The following MARCHF1 variants were observed in gnomAD, a reference collection of about 807,000 sequenced individuals.
MARCHF1 encodes membrane associated ring-CH-type finger 1.
A neutral mutation model predicts 54.2 loss-of-function variants in MARCHF1; 40 were observed. The observed-to-expected ratio is 0.74, with a 90% CI of 0.57 to 0.96. MARCHF1 has a LOEUF of 0.96. MARCHF1 is among the 40% of genes least tolerant of loss of function. MARCHF1 has a pLI of 0.00. For synonymous variants in MARCHF1, 236 were observed against 236.3 expected (o/e 1.00, Z 0.01); for missense variants, 586 against 656.5 (o/e 0.89, Z 1.17).
intron 1 of MARCHF1, among the ~76,000 whole-genome samples, chr4:164,237,360 A>G (rs750714931): frequency 6.6e-6 from 1 of 152,062 alleles, no homozygotes; most frequent in Non-Finnish European, 1.5e-5. Flanking sequence ...ATTTTTGCCC[A>G]TTCTGTGTAT....
chr4:163,907,623 T>A (rs746845538), intron 3 of MARCHF1, among the ~76,000 whole-genome samples: 4 of 152,062 alleles, frequency 2.6e-5, no homozygotes, highest in Non-Finnish European at 5.9e-5. Flanking sequence ...TCAAATAAGA[T>A]AATAATCATG....
chr4:164,185,501 T>C (rs1042011240), intron 1 of MARCHF1, among the ~76,000 whole-genome samples: 6 of 152,162 alleles, frequency 3.9e-5, no homozygotes, highest in African/African-American at 1.4e-4. Context: ...TAAAGTAATA[T>C]ATACTGCCAG....
intron 4 of MARCHF1, among the ~76,000 whole-genome samples, chr4:163,821,407 C>T (rs949314468): frequency 1.3e-5 from 2 of 151,868 alleles, no homozygotes; most frequent in African/African-American, 4.8e-5. Flanking sequence ...TTATTGCCTG[C>T]TAGAGGATTT....
intron 1 of MARCHF1, among the ~76,000 whole-genome samples, chr4:164,176,674 C>A (rs1051398538): frequency 2.6e-4 from 40 of 151,842 alleles, no homozygotes; most frequent in Admixed American, 1.1e-3. Context: ...TAGAGATAGT[C>A]CATTTTTGTG....
At chr4:163,575,271 G>C (rs970096233) in intron 8 of MARCHF1, among the ~76,000 whole-genome samples, 1 of 151,882 alleles carries the variant, frequency 6.6e-6, no homozygotes, top group Non-Finnish European at 1.5e-5. Flanking sequence ...TCATTGAAAA[G>C]CTTCCTTCAT....
intron 4 of MARCHF1, among the ~76,000 whole-genome samples, chr4:163,817,581 C>A (rs939249465): frequency 2.0e-5 from 3 of 151,892 alleles, no homozygotes; most frequent in African/African-American, 4.8e-5. Context: ...CAATTATAAA[C>A]CACATTTCAC....
chr4:163,942,845 T>C (rs1751940927), intron 3 of MARCHF1, among the ~76,000 whole-genome samples: 1 of 152,138 alleles, frequency 6.6e-6, no homozygotes, highest in African/African-American at 2.4e-5. Flanking sequence ...CTCCTTTCTC[T>C]TACTCATTAG....
intron 1 of MARCHF1, among the ~76,000 whole-genome samples, chr4:164,247,732 T>C (rs1732997551): frequency 6.6e-6 from 1 of 150,956 alleles, no homozygotes; most frequent in Non-Finnish European, 1.5e-5. Flanking sequence ...CGCTGTTTTT[T>C]CAAAATGGTC....
At chr4:164,150,754 A>G (rs560534734) in intron 1 of MARCHF1, among the ~76,000 whole-genome samples, 2 of 152,352 alleles carry the variant, frequency 1.3e-5, no homozygotes, top group East Asian at 3.9e-4. Context: ...ATTTTCATAA[A>G]GAAAATATAT....
At chr4:164,271,884 G>A (rs2111310034) in intron 1 of MARCHF1, among the ~76,000 whole-genome samples, 1 of 152,022 alleles carries the variant, frequency 6.6e-6, no homozygotes, top group Non-Finnish European at 1.5e-5. Context: ...TGTAATACTT[G>A]CAACATATAT....
chr4:163,932,796 G>A (rs973062708), intron 3 of MARCHF1: 4 of 604,856 alleles, frequency 6.6e-6, no homozygotes, highest in Admixed American at 1.9e-5. Flanking sequence ...GAGATCGATC[G>A]GCACCATGGT....
At chr4:164,315,109 A>G (rs1275345981) in intron 1 of MARCHF1, among the ~76,000 whole-genome samples, 1 of 152,024 alleles carries the variant, frequency 6.6e-6, no homozygotes, top group Non-Finnish European at 1.5e-5. Context: ...CATTTTATGC[A>G]TGAAGCACCA....
At chr4:163,799,928 A>G (rs1748031596) in intron 4 of MARCHF1, among the ~76,000 whole-genome samples, 3 of 152,204 alleles carry the variant, frequency 2.0e-5, no homozygotes. Flanking sequence ...AATGTGATAC[A>G]TAGATACCAT....
intron 1 of MARCHF1, among the ~76,000 whole-genome samples, chr4:164,148,364 A>AC (rs1729830205): frequency 6.6e-6 from 1 of 152,108 alleles, no homozygotes; most frequent in Non-Finnish European, 1.5e-5. Flanking sequence ...AAAATGTCAT[A>AC]CCCCATAGAT....
At chr4:163,549,443 C>T (rs17043787) in intron 8 of MARCHF1, among the ~76,000 whole-genome samples, 3 of 151,934 alleles carry the variant, frequency 2.0e-5, no homozygotes, top group Non-Finnish European at 4.4e-5. Context: ...GGAGAAGGAA[C>T]GCACGACAGC....
chr4:164,237,112 A>C (rs1450934272), intron 1 of MARCHF1, among the ~76,000 whole-genome samples: 1 of 152,164 alleles, frequency 6.6e-6, no homozygotes, highest in African/African-American at 2.4e-5. Context: ...CCATGTCTTT[A>C]AGTATCATTC....
At chr4:163,986,249 C>CTTT (rs869081083) in intron 3 of MARCHF1, among the ~76,000 whole-genome samples, 319 of 28,786 alleles carry the variant, frequency 0.011, 45 homozygotes, top group African/African-American at 0.015. Context: ...TTAACCTCTT[C>CTTT]TTTTTTTTTT....
intron 1 of MARCHF1, among the ~76,000 whole-genome samples, chr4:164,167,581 C>T (rs1240124570): frequency 6.6e-6 from 1 of 151,516 alleles, no homozygotes; most frequent in African/African-American, 2.4e-5. Flanking sequence ...AAAAAAGACA[C>T]AAAGGCCAAT....
intron 1 of MARCHF1, among the ~76,000 whole-genome samples, chr4:164,332,956 C>T (rs1368418487): frequency 6.6e-6 from 1 of 151,594 alleles, no homozygotes; most frequent in Non-Finnish European, 1.5e-5. Flanking sequence ...TTCATTATTG[C>T]TAAATTTTAG....
Sources: allele counts gnomAD v4.1 joint callset (sites outside exome capture counted in the v4.1 genomes callset), GRCh38; gene constraint gnomAD v4.1.1; transcripts MANE v1.5; gene names NCBI Gene and HGNC (gene_info 2026-07-23, HGNC 2026-07-21).